The following AAMDC variants were observed in gnomAD, a reference collection of about 807,000 sequenced individuals.
AAMDC encodes the protein adipogenesis associated Mth938 domain containing.
In AAMDC, 16 loss-of-function variants were observed where a neutral mutation model predicts 15.5. The ratio of observed to expected loss-of-function variants is 1.03; its 90% CI spans 0.70 to 1.57. The LOEUF (loss-of-function observed/expected upper bound fraction) is 1.57. AAMDC is among the 40% of genes most tolerant of loss of function. The pLI is 0.00. For missense variants in AAMDC, 141 were observed against 144.9 expected, an observed-to-expected ratio of 0.97 and a Z score of 0.14; for synonymous variants, 51 against 51.6, an observed-to-expected ratio of 0.99 and a Z score of 0.05.
At chr11:77,836,123 A>G (rs1380601133) in intron 1 of AAMDC, among the ~76,000 whole-genome samples, 1 of 152,176 alleles carries the variant, frequency 6.6e-6, no homozygotes, top group Non-Finnish European at 1.5e-5. Flanking sequence ...TAGGTTCCCA[A>G]TAAATATTCC....
At chr11:77,879,645 C>A (rs1951716774) in intron 5 of AAMDC, among the ~76,000 whole-genome samples, 1 of 152,174 alleles carries the variant, frequency 6.6e-6, no homozygotes, top group Non-Finnish European at 1.5e-5. Flanking sequence ...CCTAAAATGT[C>A]TGAAAACATC....
At chr11:77,841,436 G>A (rs1949926772) in intron 1 of AAMDC, among the ~76,000 whole-genome samples, 1 of 152,146 alleles carries the variant, frequency 6.6e-6, no homozygotes, top group Non-Finnish European at 1.5e-5. Context: ...ATAGCTTAGT[G>A]TTCAGCCAAA....
At chr11:77,887,294 T>G (rs11607032) in intron 5 of AAMDC, among the ~76,000 whole-genome samples, 30,932 of 152,010 alleles carry the variant, frequency 0.2, 3,174 homozygotes, top group Middle Eastern at 0.24. Context: ...ATGTAATCCA[T>G]CATATAAACA....
chr11:77,846,709 A>G (rs1950163309), intron 2 of AAMDC, among the ~76,000 whole-genome samples: 2 of 152,186 alleles, frequency 1.3e-5, no homozygotes, highest in South Asian at 4.1e-4. Context: ...TACATCTCAT[A>G]AAAAGAAATT....
chr11:77,821,998 A>G (rs1402948771), intron 1 of AAMDC, among the ~76,000 whole-genome samples: 1 of 152,212 alleles, frequency 6.6e-6, no homozygotes, highest in East Asian at 1.9e-4. Flanking sequence ...ACAGTGCCGT[A>G]GCACATAGTG....
downstream of AAMDC, among the ~76,000 whole-genome samples, chr11:77,873,447 G>A (rs531399410): frequency 1.1e-4 from 16 of 152,240 alleles, no homozygotes; most frequent in South Asian, 1.7e-3. Flanking sequence ...TTATTTCAAA[G>A]AGCCATAGAA....
chr11:77,886,747 C>A (rs907320655), intron 5 of AAMDC, among the ~76,000 whole-genome samples: 1 of 151,850 alleles, frequency 6.6e-6, no homozygotes, highest in African/African-American at 2.4e-5. Flanking sequence ...AGGTGGGAGG[C>A]GCCCGGCGAG....
At chr11:77,869,916 C>A in intron 3 of AAMDC, 99 bp downstream of exon 3, 2 of 1,111,220 alleles carry the variant, frequency 1.8e-6, no homozygotes, top group Non-Finnish European at 2.7e-6. Context: ...CTTTATATAT[C>A]ATGTACCCTC....
intron 5 of AAMDC, among the ~76,000 whole-genome samples, chr11:77,882,585 G>C (rs1360193524): frequency 1.3e-5 from 2 of 152,166 alleles, no homozygotes; most frequent in African/African-American, 4.8e-5. Flanking sequence ...TTGGCAAATA[G>C]TGCAAAAACA....
intron 3 of AAMDC, among the ~76,000 whole-genome samples, chr11:77,871,227 T>C (rs1951417715): frequency 1.3e-5 from 2 of 152,334 alleles, no homozygotes; most frequent in South Asian, 2.1e-4. Context: ...AATATTTCAC[T>C]TGAGTTCTTT....
chr11:77,848,944 C>T (rs1479093222), intron 2 of AAMDC, among the ~76,000 whole-genome samples: 1 of 152,126 alleles, frequency 6.6e-6, no homozygotes, highest in African/African-American at 2.4e-5. Flanking sequence ...GTATGTGCCA[C>T]AATGCCTGGC....
chr11:77,860,744 G>C (rs1950842063), intron 2 of AAMDC, among the ~76,000 whole-genome samples: 1 of 152,198 alleles, frequency 6.6e-6, no homozygotes, highest in Non-Finnish European at 1.5e-5. Context: ...AACAAGAATT[G>C]AGAGTCAGGA....
rs1184979498 is a variant in AAMDC, at chr11:77,867,834, G to GT, written c.133-1887dup. Among the ~76,000 whole-genome samples, 3 of 152,300 alleles carry GT rather than the reference G, an allele frequency of 2.0e-5. No homozygotes were observed. In the East Asian group the frequency reaches 5.8e-4, roughly 29 times the overall value. ...TAGAAGACTGGGAAGACTTTTCAGA[G>GT]TGATTGGTAGGTTTTAAAGCATAAA... On this transcript the variant is annotated intron_variant, in intron 2 of 3. Transcript: ENST00000393427.
intron 5 of AAMDC, among the ~76,000 whole-genome samples, chr11:77,882,247 C>T (rs1175561320): frequency 6.6e-6 from 1 of 152,044 alleles, no homozygotes; most frequent in African/African-American, 2.4e-5. Context: ...GGCTCAGGAT[C>T]GCCTGGCAAT....
At chr11:77,845,080 C>T (rs1950087076) in intron 2 of AAMDC, among the ~76,000 whole-genome samples, 1 of 152,018 alleles carries the variant, frequency 6.6e-6, no homozygotes, top group Non-Finnish European at 1.5e-5. Context: ...GTATGGATAT[C>T]TTTGAGTTTG....
intron 1 of AAMDC, among the ~76,000 whole-genome samples, chr11:77,826,659 C>T (rs1223235223): frequency 2.6e-5 from 4 of 152,130 alleles, no homozygotes; most frequent in South Asian, 4.1e-4. Context: ...ACCCAGCAAC[C>T]GAACCTTTGA....
chr11:77,887,756 C>A (rs960350781), intron 5 of AAMDC, among the ~76,000 whole-genome samples: 3 of 152,176 alleles, frequency 2.0e-5, no homozygotes, highest in African/African-American at 7.2e-5. Context: ...GCAAAAATCA[C>A]AAGCATTCTT....
At chr11:77,828,653 G>T (rs976003691) in intron 1 of AAMDC, among the ~76,000 whole-genome samples, 2 of 144,732 alleles carry the variant, frequency 1.4e-5, no homozygotes, top group African/African-American at 5.1e-5. Flanking sequence ...CTGGGCAACA[G>T]AGTGAGACTC....
At chr11:77,846,687 CAA>C (rs1950162458) in intron 2 of AAMDC, among the ~76,000 whole-genome samples, 2 of 152,180 alleles carry the variant, frequency 1.3e-5, no homozygotes, top group Non-Finnish European at 2.9e-5. Flanking sequence ...TCCTGGGTAA[CAA>C]GAGTGAAACT....
Sources: gnomAD v4.1 joint callset for allele counts (sites outside exome capture counted in the v4.1 genomes callset) on GRCh38, gnomAD v4.1.1 for gene constraint, MANE v1.5 for transcripts, NCBI Gene and HGNC (gene_info 2026-07-23, HGNC 2026-07-21) for gene names.